Variants in GPRIN2 observed in about 807,000 individuals in gnomAD.
GPRIN2 encodes the protein G protein regulated inducer of neurite outgrowth 2.
A neutral mutation model predicts 0.3 loss-of-function variants in GPRIN2; 1 was observed. That is an observed-to-expected ratio of 3.90 (90% CI 1.39 to 18.51). The LOEUF is 18.51. Among genes scored for constraint, GPRIN2 ranks in the 30% most tolerant of loss-of-function variants. The pLI, the probability that GPRIN2 is intolerant of heterozygous loss-of-function variation, is 0.11. For synonymous variants in GPRIN2, 361 were observed against 258.6 expected, an observed-to-expected ratio of 1.40 and a Z score of -3.80; for missense variants, 880 against 604.2, an observed-to-expected ratio of 1.46 and a Z score of -4.79.
Position 46,556,606 on chromosome 10 carries a change from G to A in GPRIN2, c.-226C>T, listed in dbSNP as rs1480027895. 6.6e-6 allele frequency among the ~76,000 whole-genome samples: 1 copy of A among 151,968 alleles called. No individual in the cohort carries two copies. Among genetic ancestry groups the A allele is most frequent in the Non-Finnish European group, 1.5e-5 (1 of 67,960 alleles). On this transcript the variant is annotated 5_prime_UTR_variant, in exon 1 of 3. Coordinates refer to ENST00000374314, the MANE Select transcript of GPRIN2 (RefSeq NM_001385282.1). Reference sequence around the variant, plus strand: ...GAGCCAGAGCCGACCTGGCCTGGGCGCGAGACGCCGCCCGCCGCCGTCGGC... The same window carrying A: ...GAGCCAGAGCCGACCTGGCCTGGGCACGAGACGCCGCCCGCCGCCGTCGGC...
At position 46,550,361 on chromosome 10, in the gene GPRIN2, G is replaced by A. The variant is rs1832393519; in HGVS notation, c.376C>T (p.Arg126Cys). 5.4e-5 allele frequency: 87 copies of A among 1,612,710 alleles called. No homozygotes were observed. In the Admixed American group the frequency reaches 6.3e-4, roughly 12 times the overall value. ...CTGTGTCCCCGCATCTGGGTGCTAC[G>A]GACCAGGTCTGAATGGCTCCTCTGC... ...AMQRSHSDLVRSTQMRGHSGA... is the reference protein window; with the variant it reads ...AMQRSHSDLVCSTQMRGHSGA... The change falls in exon 3 of 3, where the codon CGT becomes TGT. Residue 126 changes from arginine (R) to cysteine (C), a missense_variant. Arg to Cys is a radical substitution (Grantham distance 180). Transcript: ENST00000374314.
At position 46,550,119 on chromosome 10, in the gene GPRIN2, G is replaced by A. The variant is rs1832477570; in HGVS notation, c.618C>T (p.Ala206=). ...VPPLDLGDTT[A]HSSSAQAEPK... is the part of the protein sequence containing the mutation. ...GCTCAGCCTGGGCACTGCTGCTGTG[G>A]GCAGTTGTGTCCCCCAGGTCTAGTG... Residue 206 remains alanine (A), a synonymous_variant, in exon 3 of 3, where the codon GCC becomes GCT. Coordinates refer to ENST00000374314, the MANE Select transcript of GPRIN2 (RefSeq NM_001385282.1). 6.2e-7 allele frequency: 1 copy of A among 1,609,728 alleles called. No individual in the cohort carries two copies. Among genetic ancestry groups the A allele is most frequent in the Admixed American group, 1.7e-5 (1 of 59,924 alleles).
chr10:46,549,940 C>T lies in GPRIN2; in HGVS notation c.797G>A (p.Ser266Asn). 6.2e-7 allele frequency: 1 copy of T among 1,614,270 alleles called. No homozygotes were observed. The highest frequency in any genetic ancestry group is 1.3e-5 in the African/African-American group (1 of 75,074). ...LAFPKLVASVSESGLQAQHGV... is the reference protein window; with the variant it reads ...LAFPKLVASVNESGLQAQHGV... ...ATGCTGAGCCTGCAGCCCAGACTCG[C>T]TCACTGACGCCACTAGTTTGGGAAA... is the stretch of plus-strand genomic sequence containing the variant. The change falls in exon 3 of 3, where the codon AGC (serine) becomes AAC (asparagine). Residue 266 changes from serine (S) to asparagine (N), a missense_variant. Transcript: ENST00000374314.
chr10:46,545,900 T>A lies in GPRIN2; in HGVS notation c.*3460A>T. Among the ~76,000 whole-genome samples, 1 of 152,430 alleles carries A rather than the reference T, an allele frequency of 6.6e-6. No homozygotes were observed. Among genetic ancestry groups the A allele is most frequent in the East Asian group, 1.9e-4 (1 of 5,196 alleles). The stretch of plus-strand genomic sequence containing the variant: ...ATCAAGGCTTGTAACTTGCCCAAGA[T>A]CACATGGCTATAGGTGTGGATCCTA... On this transcript the variant is annotated 3_prime_UTR_variant, in exon 3 of 3. Coordinates refer to ENST00000374314, the MANE Select transcript of GPRIN2 (RefSeq NM_001385282.1).
At position 46,549,424 on chromosome 10, in the gene GPRIN2, C is replaced by T. The variant is rs1832725888; in HGVS notation, c.1313G>A (p.Arg438Gln). Residue 438 changes from arginine to glutamine, a missense_variant, in exon 3 of 3, where the codon CGG (arginine) becomes CAG (glutamine). By Grantham distance (43) the Arg-to-Gln change is conservative. Coordinates refer to ENST00000374314, the MANE Select transcript of GPRIN2 (RefSeq NM_001385282.1). Reference sequence around the variant, plus strand: ...GCGCCGCAGGGACTGCATGACAGCCCGCAGTGGCCCCCTCCGGCCCTCCAC... The same window carrying T: ...GCGCCGCAGGGACTGCATGACAGCCTGCAGTGGCCCCCTCCGGCCCTCCAC... ...LSVEGRRGPL[R>Q]AVMQSLRRPS... 104 of 1,572,162 alleles carry T rather than the reference C, an allele frequency of 6.6e-5. No homozygotes were observed. The Middle Eastern group carries it at 8.5e-4, about 13-fold the overall frequency.
At chr10:46,553,816 T>C (rs1266986825) in intron 2 of GPRIN2, among the ~76,000 whole-genome samples, 6 of 152,310 alleles carry the variant, frequency 3.9e-5, no homozygotes, top group African/African-American at 1.2e-4. Flanking sequence ...CCCCAATGGA[T>C]TGGCCTGGCT....
At position 46,549,432 on chromosome 10, in the gene GPRIN2, C is replaced by A. The variant is rs1353804944; in HGVS notation, c.1305G>T (p.Gly435=). The A allele has an allele frequency of 6.3e-7, 1 of 1,589,242 alleles. No individual in the cohort carries two copies. Among genetic ancestry groups the A allele is most frequent in the Non-Finnish European group, 8.6e-7 (1 of 1,167,430 alleles). ...EDSLSVEGRR[G]PLRAVMQSLR... ...GGGACTGCATGACAGCCCGCAGTGG[C>A]CCCCTCCGGCCCTCCACAGACAGGC... Residue 435 remains glycine, a synonymous_variant, in exon 3 of 3, where the codon GGG becomes GGT. Coordinates refer to ENST00000374314, the MANE Select transcript of GPRIN2 (RefSeq NM_001385282.1).
rs1832837907 is a variant in GPRIN2 at position 46,547,713 on chromosome 10, G to T, written c.*1647C>A. On this transcript the variant is annotated 3_prime_UTR_variant, in exon 3 of 3. Transcript: ENST00000374314. The stretch of plus-strand genomic sequence containing the variant: ...GACTCCATGGGGAGCCAGGCATGAA[G>T]ATGGCATATACCCATGTGTCACTCC... 6.6e-6 allele frequency among the ~76,000 whole-genome samples: 1 copy of T among 152,430 alleles called. No individual in the cohort carries two copies. The highest frequency in any genetic ancestry group is 2.4e-5 in the African/African-American group (1 of 41,610).
intron 2 of GPRIN2, 36 bp from the exon 3 acceptor site, chr10:46,550,778 T>G: frequency 6.7e-7 from 1 of 1,485,580 alleles, no homozygotes; most frequent in Non-Finnish European, 8.9e-7. Flanking sequence ...TGGAGTTGAG[T>G]TGGGTGGCAG....
At position 46,548,076 on chromosome 10, in the gene GPRIN2, G is replaced by A. The variant is rs1419523874; in HGVS notation, c.*1284C>T. On this transcript the variant is annotated 3_prime_UTR_variant, in exon 3 of 3. Coordinates refer to ENST00000374314, the MANE Select transcript of GPRIN2 (RefSeq NM_001385282.1). ...AGGCTCCAGAAACAGGCCAGGTCGT[G>A]GGCCATGACCCCACACTAGCCCTCT... 6.6e-6 allele frequency among the ~76,000 whole-genome samples: 1 copy of A among 152,308 alleles called. No homozygotes were observed. The highest frequency in any genetic ancestry group is 2.4e-5 in the African/African-American group (1 of 41,486).
rs11528928 is a variant in GPRIN2, at chr10:46,555,105, C to G, written c.-117-410G>C. 1.4e-3 allele frequency among the ~76,000 whole-genome samples: 216 copies of G among 152,302 alleles called. No individual in the cohort carries two copies. In the East Asian group the frequency reaches 0.041, roughly 29 times the overall value. ...GGATTACAGGCGTGCACCTCGGCGCCCAGCTAATTTTTGTATTTTTAGTAG... is the reference window on the plus strand; with the variant it reads ...GGATTACAGGCGTGCACCTCGGCGCGCAGCTAATTTTTGTATTTTTAGTAG... On this transcript the variant is annotated intron_variant, in intron 1 of 2. Transcript: ENST00000374314.
rs1232577827 is a variant in GPRIN2 at position 46,543,287 on chromosome 10, G to A, written c.*6073C>T. 6.6e-6 allele frequency among the ~76,000 whole-genome samples: 1 copy of A among 152,310 alleles called. No individual in the cohort carries two copies. Among genetic ancestry groups the A allele is most frequent in the Non-Finnish European group, 1.5e-5 (1 of 68,058 alleles). ...CTACTGTATGGAGCCAGAAGGCGAA[G>A]GCAAGTAAATCCTTGGCACAAAGCA... On this transcript the variant is annotated 3_prime_UTR_variant, in exon 3 of 3. Transcript: ENST00000374314.
At chr10:46,551,051 T>A (rs1369017706) in intron 2 of GPRIN2, among the ~76,000 whole-genome samples, 3 of 152,306 alleles carry the variant, frequency 2.0e-5, no homozygotes, top group Non-Finnish European at 4.4e-5. Flanking sequence ...CTTTACTGGC[T>A]GGTTTGTGTG....
chr10:46,552,111 G>C (rs1419745751), intron 2 of GPRIN2, among the ~76,000 whole-genome samples: 1 of 152,310 alleles, frequency 6.6e-6, no homozygotes, highest in Non-Finnish European at 1.5e-5. Context: ...GCTCACGGAG[G>C]GTGAGAGATG....
Position 46,550,228 on chromosome 10 carries a change from G to T in GPRIN2, c.509C>A (p.Ala170Glu). The T allele has an allele frequency of 6.2e-7, 1 of 1,605,704 alleles. No homozygotes were observed. The highest frequency in any genetic ancestry group is 8.5e-7 in the Non-Finnish European group (1 of 1,175,360). Residue 170 changes from alanine (A) to glutamate (E), a missense_variant, in exon 3 of 3, where the codon GCA (alanine) becomes GAA (glutamate). Coordinates refer to ENST00000374314, the MANE Select transcript of GPRIN2 (RefSeq NM_001385282.1). ...GTSGQGGQAP[A>E]GLERDLAPED... ...AGGAGCCAGGTCCCTTTCCAGGCCT[G>T]CAGGGGCCTGGCCACCCTGGCCAGA... is the stretch of plus-strand genomic sequence containing the variant.
rs1400429329 is a variant in GPRIN2, at chr10:46,545,545, C to T, written c.*3815G>A. ...AGTGGTGAGGGCTAGGGTAGCCCTCCTCAATGCACTCTGGGAACTACATTT... is the reference window on the plus strand; with the variant it reads ...AGTGGTGAGGGCTAGGGTAGCCCTCTTCAATGCACTCTGGGAACTACATTT... On this transcript the variant is annotated 3_prime_UTR_variant, in exon 3 of 3. Transcript: ENST00000374314. Among the ~76,000 whole-genome samples the T allele has an allele frequency of 1.3e-5, 2 of 152,308 alleles. No individual in the cohort carries two copies. The highest frequency in any genetic ancestry group is 2.4e-5 in the African/African-American group (1 of 41,486).
intron 2 of GPRIN2, chr10:46,551,418 C>G (rs1842594887): frequency 1.0e-6 from 1 of 985,526 alleles, no homozygotes; most frequent in African/African-American, 1.7e-5. Flanking sequence ...ACTCCTACCT[C>G]TAGCTCCAGG....
chr10:46,547,818 T>C lies in GPRIN2; in HGVS notation c.*1542A>G, dbSNP rs1373157704. Reference sequence around the variant, plus strand: ...GAATCCCAAGGGGTGCACCTATGCATATGGGAAAGGCATGTTTACGGGTGA... The same window carrying C: ...GAATCCCAAGGGGTGCACCTATGCACATGGGAAAGGCATGTTTACGGGTGA... On this transcript the variant is annotated 3_prime_UTR_variant, in exon 3 of 3. Transcript: ENST00000374314. Among the ~76,000 whole-genome samples the C allele has an allele frequency of 6.6e-6, 1 of 152,300 alleles. No homozygotes were observed. The highest frequency in any genetic ancestry group is 1.5e-5 in the Non-Finnish European group (1 of 68,058).
Position 46,543,902 on chromosome 10 carries a change from G to A in GPRIN2, c.*5458C>T, listed in dbSNP as rs1841932805. 1.3e-5 allele frequency among the ~76,000 whole-genome samples: 2 copies of A among 152,280 alleles called. No homozygotes were observed. Among genetic ancestry groups the A allele is most frequent in the African/African-American group, 4.8e-5 (2 of 41,478 alleles). ...GCATTCACCCAACTCTTGGGACAAGGCAGTCAGACCCCACCACCCATCCCC... is the reference window on the plus strand; with the variant it reads ...GCATTCACCCAACTCTTGGGACAAGACAGTCAGACCCCACCACCCATCCCC... On this transcript the variant is annotated 3_prime_UTR_variant, in exon 3 of 3. Transcript: ENST00000374314.
Sources: gnomAD v4.1 joint callset for allele counts (sites outside exome capture counted in the v4.1 genomes callset) on GRCh38, gnomAD v4.1.1 for gene constraint, MANE v1.5 for transcripts, NCBI Gene and HGNC (gene_info 2026-07-23, HGNC 2026-07-21) for gene names.